Variants in INPP5D observed in about 807,000 individuals in gnomAD.
INPP5D encodes phosphatidylinositol 3,4,5-trisphosphate 5-phosphatase 1.
A neutral mutation model predicts 122.9 loss-of-function variants in INPP5D; 33 were observed. The ratio of observed to expected loss-of-function variants is 0.27; its 90% CI spans 0.20 to 0.36. The LOEUF (loss-of-function observed/expected upper bound fraction) is 0.36. Among genes scored for constraint, INPP5D ranks in the 10% least tolerant of loss-of-function variants. The pLI is 1.00. For synonymous variants in INPP5D, 584 were observed against 576.2 expected (o/e 1.01, Z -0.19); for missense variants, 1,053 against 1,412.7 (o/e 0.75, Z 4.08).
At chr2:233,091,676 C>T (rs372265314) in intron 2 of INPP5D, among the ~76,000 whole-genome samples, 1 of 152,296 alleles carries the variant, frequency 6.6e-6, no homozygotes, top group East Asian at 1.9e-4. Flanking sequence ...CTCCCAACCT[C>T]GAGGCCAGCA....
chr2:233,079,205 C>T (rs981746926), intron 1 of INPP5D, 130 bp from the exon 2 acceptor site: 13 of 652,418 alleles, frequency 2.0e-5, no homozygotes, highest in East Asian at 8.3e-5. Flanking sequence ...CTTAAGAGAA[C>T]GGTCAGCTCC....
intron 2 of INPP5D, among the ~76,000 whole-genome samples, chr2:233,084,303 C>T (rs781186790): frequency 6.6e-5 from 10 of 152,246 alleles, no homozygotes; most frequent in Admixed American, 3.3e-4. Context: ...GATCCACCCG[C>T]CTCAGCCTCC....
Position 233,195,411 on chromosome 2 carries a change from C to T in INPP5D, c.2609C>T (p.Thr870Met), listed in dbSNP as rs766150038. The T allele has an allele frequency of 5.8e-5, 94 of 1,612,620 alleles. No individual in the cohort carries two copies. Among genetic ancestry groups the T allele is most frequent in the South Asian group, 2.0e-4 (18 of 91,078 alleles). ...TREKLYDFVKTERDESSGPKT... is the reference protein window; with the variant it reads ...TREKLYDFVKMERDESSGPKT... ...CCTTTCCTTCCAGACTTTGTGAAGA[C>T]GGAGCGTGATGAATCCAGTGGGCCA... Residue 870 changes from threonine to methionine, a missense_variant, in exon 24 of 27, where the codon ACG becomes ATG. Coordinates refer to ENST00000445964, the MANE Select transcript of INPP5D (RefSeq NM_001017915.3).
At chr2:233,123,325 G>A (rs950590236) in intron 3 of INPP5D, among the ~76,000 whole-genome samples, 7 of 152,006 alleles carry the variant, frequency 4.6e-5, no homozygotes, top group South Asian at 4.2e-4. Context: ...GTGGTGGTAC[G>A]CGCCTGTAGT....
At chr2:233,114,872 T>G (rs1338999386) in intron 2 of INPP5D, among the ~76,000 whole-genome samples, 1 of 93,468 alleles carries the variant, frequency 1.1e-5, no homozygotes, top group African/African-American at 4.8e-5. Context: ...TTGTTTCCAC[T>G]TTTTTTTTTT....
chr2:233,149,669 A>G (rs1330053903), intron 9 of INPP5D, among the ~76,000 whole-genome samples: 1 of 152,202 alleles, frequency 6.6e-6, no homozygotes, highest in Admixed American at 6.5e-5. Context: ...GCAATAGTGC[A>G]TCCTGAACCC....
At position 233,060,489 on chromosome 2, in the gene INPP5D, G is replaced by A; in HGVS notation, c.11G>A (p.Cys4Tyr). The A allele has an allele frequency of 6.2e-7, 1 of 1,609,170 alleles. No individual in the cohort carries two copies. Among genetic ancestry groups the A allele is most frequent in the Non-Finnish European group, 8.5e-7 (1 of 1,177,576 alleles). MVP[C>Y]WNHGNITRSK... ...AGGCCCACGCCCACCATGGTCCCCT[G>A]CTGGAACCATGGCAACATCACCCGC... Residue 4 changes from cysteine (C) to tyrosine (Y), a missense_variant, in exon 1 of 27, where the codon TGC becomes TAC. Coordinates refer to ENST00000445964, the MANE Select transcript of INPP5D (RefSeq NM_001017915.3).
At chr2:233,133,632 T>C (rs1279129135) in intron 5 of INPP5D, among the ~76,000 whole-genome samples, 1 of 152,220 alleles carries the variant, frequency 6.6e-6, no homozygotes, top group African/African-American at 2.4e-5. Context: ...TCATTGTTTA[T>C]CTGAAATTCA....
chr2:233,164,182 A>G lies in INPP5D; in HGVS notation c.1438-125A>G. On this transcript the variant is annotated intron_variant, in intron 12 of 26. Coordinates refer to ENST00000445964, the MANE Select transcript of INPP5D (RefSeq NM_001017915.3). This position sits in a 1 kb window ranked among gnomAD's most constrained non-coding sequence, Gnocchi z 4.3. ...TCAAGCATCGCTGGGAGTCCCCCGAAGGGTTGGGATTACAGACAGGATACC... is the reference window on the plus strand; with the variant it reads ...TCAAGCATCGCTGGGAGTCCCCCGAGGGGTTGGGATTACAGACAGGATACC... The G allele has an allele frequency of 1.4e-6, 2 of 1,438,128 alleles. No individual in the cohort carries two copies. Among genetic ancestry groups the G allele is most frequent in the African/African-American group, 1.4e-5 (1 of 69,934 alleles). The allele number at this position is 1,438,128 out of a possible 1,614,324, so 89.1% of individuals were successfully genotyped here.
At chr2:233,108,290 C>T (rs1243218747) in intron 2 of INPP5D, among the ~76,000 whole-genome samples, 1 of 152,316 alleles carries the variant, frequency 6.6e-6, no homozygotes, top group East Asian at 1.9e-4. Context: ...CCACCTCCAA[C>T]CCCTTTCTCA....
rs1559313283 is a variant in INPP5D at position 233,137,856 on chromosome 2, ATATATAT to A, written c.666-1985_666-1979del. 5.2e-3 allele frequency among the ~76,000 whole-genome samples: 75 copies of A among 14,346 alleles called. 1 individual carries two copies. The highest frequency in any genetic ancestry group is 0.012 in the African/African-American group (54 of 4,444). 9.4% of individuals were successfully genotyped at this position (14,346 alleles called of 152,430 possible). A position where few individuals can be genotyped will look rare whatever the true frequency, so the allele number is the denominator to read the frequency against. ...ACAAAAAAAAAAAAAAAAAAAAAATATATATATATATATATATATATATATATATATA... is the reference window on the plus strand; with the variant it reads ...ACAAAAAAAAAAAAAAAAAAAAAATAATATATATATATATATATATATATA... On this transcript the variant is annotated intron_variant, in intron 5 of 26. Transcript: ENST00000445964.
intron 9 of INPP5D, among the ~76,000 whole-genome samples, chr2:233,155,282 GGACAAAGT>G (rs1336754632): frequency 2.0e-5 from 3 of 152,094 alleles, no homozygotes; most frequent in African/African-American, 7.2e-5. Flanking sequence ...CAAAACAAAA[GGACAAAGT>G]GATGGAAAAT....
intron 23 of INPP5D, among the ~76,000 whole-genome samples, chr2:233,195,014 T>C (rs1574802304): frequency 6.6e-6 from 1 of 152,206 alleles, no homozygotes; most frequent in African/African-American, 2.4e-5. Context: ...CAGACTGGTT[T>C]GGAACTCCTG....
At chr2:233,076,843 T>G (rs1691532200) in intron 1 of INPP5D, among the ~76,000 whole-genome samples, 1 of 152,194 alleles carries the variant, frequency 6.6e-6, no homozygotes, top group African/African-American at 2.4e-5. Flanking sequence ...TTTGCAAAGA[T>G]TAAAAGGTCT....
At position 233,125,797 on chromosome 2, in the gene INPP5D, T is replaced by G; in HGVS notation, c.402T>G (p.Thr134=). The change falls in exon 4 of 27, where the codon ACT becomes ACG. Residue 134 remains threonine, a synonymous_variant. Coordinates refer to ENST00000445964, the MANE Select transcript of INPP5D (RefSeq NM_001017915.3). ...TGCCCCCAAGAAACATCCCGCTGACTGCCAGCTCCTGTGAGGCCAAGGAGG... is the reference window on the plus strand; with the variant it reads ...TGCCCCCAAGAAACATCCCGCTGACGGCCAGCTCCTGTGAGGCCAAGGAGG... ...PELPPRNIPL[T]ASSCEAKEVP... 1 of 1,613,910 alleles carries G rather than the reference T, an allele frequency of 6.2e-7. No individual in the cohort carries two copies. The highest frequency in any genetic ancestry group is 8.5e-7 in the Non-Finnish European group (1 of 1,179,846).
chr2:233,190,513 G>C lies in INPP5D; in HGVS notation c.2446+576G>C, dbSNP rs183110638. 5.9e-5 allele frequency among the ~76,000 whole-genome samples: 9 copies of C among 151,836 alleles called. No individual in the cohort carries two copies. In the East Asian group the frequency reaches 1.8e-3, roughly 30 times the overall value. ...CCCCTCTCCCCAGCCAGAGCAATTT[G>C]GGCTGAGGTGTCGTTCAGGGTCCCC... On this transcript the variant is annotated intron_variant, in intron 22 of 26. Coordinates refer to ENST00000445964, the MANE Select transcript of INPP5D (RefSeq NM_001017915.3).
intron 13 of INPP5D, among the ~76,000 whole-genome samples, chr2:233,166,280 C>T (rs982558664): frequency 2.0e-5 from 3 of 152,348 alleles, no homozygotes; most frequent in African/African-American, 7.2e-5. Flanking sequence ...AAACCACCCC[C>T]TCAGCCAGAC....
intron 2 of INPP5D, among the ~76,000 whole-genome samples, chr2:233,086,178 T>TTTCTTTCTTTCC (rs1559282378): frequency 6.9e-6 from 1 of 145,746 alleles, no homozygotes; most frequent in East Asian, 2.1e-4. Context: ...TCTTTCTTTC[T>TTTCTTTCTTTCC]TTCTTTCTTT....
intron 1 of INPP5D, among the ~76,000 whole-genome samples, chr2:233,077,651 A>G: frequency 7.1e-6 from 1 of 140,432 alleles, no homozygotes; most frequent in African/African-American, 2.7e-5. Flanking sequence ...ACAAGAGCAA[A>G]ACTCTGTCTC....
Sources: gnomAD v4.1 joint callset for allele counts (sites outside exome capture counted in the v4.1 genomes callset) on GRCh38, gnomAD v4.1.1 for gene constraint, Gnocchi (gnomAD v3.1) non-coding constraint, MANE v1.5 for transcripts, NCBI Gene and HGNC (gene_info 2026-07-23, HGNC 2026-07-21) for gene names.